Variants in DENND4C observed in about 807,000 individuals in gnomAD.
DENND4C encodes DENN domain-containing protein 4C.
Under a neutral mutation model 203.0 loss-of-function variants are expected in DENND4C, and 108 were observed. That is an observed-to-expected ratio of 0.53 (90% CI 0.46 to 0.62). The LOEUF (loss-of-function observed/expected upper bound fraction) is 0.62. Ranked by LOEUF, DENND4C falls within the 20% of genes least tolerant of loss-of-function variation. The pLI, the probability that DENND4C is intolerant of heterozygous loss-of-function variation, is 0.00. For missense variants in DENND4C, 2,481 were observed against 2,301.2 expected, an observed-to-expected ratio of 1.08 and a Z score of -1.60; for synonymous variants, 871 against 792.4, an observed-to-expected ratio of 1.10 and a Z score of -1.67.
At position 19,352,403 on chromosome 9, in the gene DENND4C, T is replaced by TA. The variant is rs910599739; in HGVS notation, c.4606-79dup. ...ATAATTCCAAATTTGATCAGTAGAA[T>TA]AAAAAAAATCCCATTATCTCAAGAG... On this transcript the variant is annotated intron_variant, in intron 25 of 32. Coordinates refer to ENST00000434457, the MANE Select transcript of DENND4C (RefSeq NM_001330640.2). 88 of 1,335,960 alleles carry TA rather than the reference T, an allele frequency of 6.6e-5. No individual in the cohort carries two copies. The African/African-American group carries it at 6.6e-4, about 10-fold the overall frequency. 82.8% of individuals were successfully genotyped at this position (1,335,960 alleles called of 1,614,324 possible).
Position 19,371,763 on chromosome 9 carries a change from T to C in DENND4C, c.5683T>C (p.Tyr1895His). ...AACATATTTGTTTTATAGGAGTTTA[T>C]ACAGAGAAATCCTCTTCTTATCATT... ...KPGMKRQRSL[Y>H]REILFLSLVS... Residue 1895 changes from tyrosine (Y) to histidine (H), a missense_variant, in exon 32 of 33, where the codon TAC becomes CAC. Physicochemically the swap from Tyr to His is moderately conservative, Grantham distance 83. Coordinates refer to ENST00000434457, the MANE Select transcript of DENND4C (RefSeq NM_001330640.2). 2 of 1,438,284 alleles carry C rather than the reference T, an allele frequency of 1.4e-6. No individual in the cohort carries two copies. The highest frequency in any genetic ancestry group is 1.9e-6 in the Non-Finnish European group (2 of 1,034,154). The allele number at this position is 1,438,284 out of a possible 1,614,324, so 89.1% of individuals were successfully genotyped here.
chr9:19,336,449 G>A (rs764348217), intron 19 of DENND4C, 35 bp downstream of exon 19: 2 of 1,593,218 alleles, frequency 1.3e-6, no homozygotes, highest in Non-Finnish European at 1.7e-6. Flanking sequence ...ATTCCTTACT[G>A]AACCATGAGC....
intron 21 of DENND4C, among the ~76,000 whole-genome samples, chr9:19,342,124 CA>C (rs34191941): frequency 0.25 from 15,670 of 61,858 alleles, 602 homozygotes; most frequent in Middle Eastern, 0.42. Context: ...GACTCCATCT[CA>C]AAAAAAAAAA....
chr9:19,331,435 T>G (rs1819147030), intron 16 of DENND4C, among the ~76,000 whole-genome samples: 1 of 152,098 alleles, frequency 6.6e-6, no homozygotes, highest in South Asian at 2.1e-4. Context: ...TCTCCTGACC[T>G]CGTGATCCAT....
intron 1 of DENND4C, among the ~76,000 whole-genome samples, chr9:19,251,187 A>G (rs975369431): frequency 1.3e-5 from 2 of 152,120 alleles, no homozygotes; most frequent in African/African-American, 2.4e-5. Context: ...CGCAAACCCT[A>G]GTTCTTGACT....
chr9:19,245,638 C>A (rs763724962), intron 1 of DENND4C, among the ~76,000 whole-genome samples: 1 of 152,004 alleles, frequency 6.6e-6, no homozygotes, highest in Admixed American at 6.6e-5. Context: ...GGGTGGATCA[C>A]GAAGTCAGGG....
chr9:19,283,795 A>C (rs1458224937), intron 2 of DENND4C, among the ~76,000 whole-genome samples: 1 of 150,584 alleles, frequency 6.6e-6, no homozygotes, highest in East Asian at 2.0e-4. Context: ...GTGTTTTTCC[A>C]TGTTGGTCAG....
chr9:19,359,469 CATT>C (rs1296735059), intron 28 of DENND4C, among the ~76,000 whole-genome samples: 2 of 151,832 alleles, frequency 1.3e-5, no homozygotes, highest in Non-Finnish European at 2.9e-5. Flanking sequence ...GAAGTTAGCT[CATT>C]AGTCCTTTTG....
intron 22 of DENND4C, among the ~76,000 whole-genome samples, chr9:19,343,333 C>T (rs1278513444): frequency 3.3e-5 from 5 of 152,150 alleles, no homozygotes; most frequent in Non-Finnish European, 5.9e-5. Flanking sequence ...TTTCTACTTT[C>T]ATTATATATA....
At chr9:19,279,734 C>T (rs1833652082) in intron 2 of DENND4C, among the ~76,000 whole-genome samples, 1 of 151,752 alleles carries the variant, frequency 6.6e-6, no homozygotes, top group Non-Finnish European at 1.5e-5. Flanking sequence ...GTAGTCCTAG[C>T]TACTCAGAAG....
At chr9:19,343,702 G>C (rs990127321) in intron 22 of DENND4C, among the ~76,000 whole-genome samples, 4 of 152,198 alleles carry the variant, frequency 2.6e-5, no homozygotes, top group Admixed American at 1.3e-4. Flanking sequence ...TGATAGCAGA[G>C]ATACTGGGGA....
At chr9:19,333,697 A>T (rs1819787691) in intron 17 of DENND4C, among the ~76,000 whole-genome samples, 1 of 152,214 alleles carries the variant, frequency 6.6e-6, no homozygotes, top group African/African-American at 2.4e-5. Context: ...TTCTCTCTCA[A>T]GCCTTAGAAA....
chr9:19,357,503 C>G (rs1825674328), intron 27 of DENND4C: 3 of 259,990 alleles, frequency 1.2e-5, no homozygotes, highest in Non-Finnish European at 2.2e-5. Context: ...TTTATTGAGA[C>G]TCTATTGTAT....
chr9:19,307,830 C>G (rs541021196), intron 10 of DENND4C, among the ~76,000 whole-genome samples: 25 of 151,368 alleles, frequency 1.7e-4, no homozygotes, highest in Admixed American at 4.6e-4. Context: ...TAGTCCTCCA[C>G]AACCATATTT....
chr9:19,341,302 T>A (rs77251904), intron 21 of DENND4C, among the ~76,000 whole-genome samples, 188 bp downstream of exon 21: 5 of 145,174 alleles, frequency 3.4e-5, no homozygotes, highest in South Asian at 2.1e-4. Context: ...AAGAGAACTT[T>A]CTTTCTTTCT....
chr9:19,281,843 T>C (rs900020766), intron 2 of DENND4C, among the ~76,000 whole-genome samples: 6 of 152,218 alleles, frequency 3.9e-5, no homozygotes, highest in Non-Finnish European at 8.8e-5. Context: ...ACTGGGGTAA[T>C]AGATACTGTA....
intron 2 of DENND4C, among the ~76,000 whole-genome samples, chr9:19,277,183 C>T (rs564302827): frequency 6.6e-6 from 1 of 152,126 alleles, no homozygotes; most frequent in East Asian, 1.9e-4. Context: ...TATTTGGGAA[C>T]ATCCTGGCAA....
intron 1 of DENND4C, among the ~76,000 whole-genome samples, chr9:19,245,739 C>T (rs1825058877): frequency 6.6e-6 from 1 of 151,966 alleles, no homozygotes; most frequent in African/African-American, 2.4e-5. Flanking sequence ...GCTTGTAATC[C>T]CAGCTACTCA....
intron 1 of DENND4C, among the ~76,000 whole-genome samples, chr9:19,236,582 A>G (rs1353627476): frequency 6.6e-6 from 1 of 152,222 alleles, no homozygotes; most frequent in Admixed American, 6.5e-5. Context: ...TTTTGGCTCC[A>G]TTAAGAGGGA....
Sources: gnomAD v4.1 joint callset for allele counts (sites outside exome capture counted in the v4.1 genomes callset) on GRCh38, gnomAD v4.1.1 for gene constraint, MANE v1.5 for transcripts, NCBI Gene and HGNC (gene_info 2026-07-23, HGNC 2026-07-21) for gene names.